Variants in MAGI1 observed in about 807,000 individuals in gnomAD.
MAGI1 encodes the protein membrane-associated guanylate kinase, WW and PDZ domain-containing protein 1.
Under a neutral mutation model 139.9 loss-of-function variants are expected in MAGI1, and 58 were observed. The observed-to-expected ratio is 0.41, with a 90% CI of 0.34 to 0.52. The LOEUF is 0.52. Ranked by LOEUF, MAGI1 falls within the 20% of genes least tolerant of loss-of-function variation. The probability of loss-of-function intolerance (pLI) is 0.12; values close to 1 mark genes in which losing one functional copy is unlikely to be tolerated. For missense variants in MAGI1, 1,874 were observed against 1,901.6 expected (o/e 0.99, Z 0.27); for synonymous variants, 812 against 737.9 (o/e 1.10, Z -1.63).
At chr3:65,484,253 G>C (rs567055689) in intron 3 of MAGI1, among the ~76,000 whole-genome samples, 1 of 152,268 alleles carries the variant, frequency 6.6e-6, no homozygotes, top group East Asian at 1.9e-4. Flanking sequence ...CAAACATAAA[G>C]GCCCAAAGTG....
chr3:65,933,445 T>C (rs2062896620), intron 1 of MAGI1, among the ~76,000 whole-genome samples: 1 of 152,200 alleles, frequency 6.6e-6, no homozygotes, highest in Admixed American at 6.5e-5. Flanking sequence ...GTTGCTTGTC[T>C]GTCCTCATAC....
At chr3:65,990,390 A>G (rs1459360745) in intron 1 of MAGI1, among the ~76,000 whole-genome samples, 1 of 152,224 alleles carries the variant, frequency 6.6e-6, no homozygotes, top group African/African-American at 2.4e-5. Flanking sequence ...AAGATTTACA[A>G]GTCTCTTAGG....
chr3:65,809,853 T>C (rs2041108571), intron 1 of MAGI1, among the ~76,000 whole-genome samples: 1 of 152,172 alleles, frequency 6.6e-6, no homozygotes, highest in African/African-American at 2.4e-5. Flanking sequence ...GCTCACAATC[T>C]GTCTTCAAAA....
At chr3:65,800,709 C>A (rs1284368462) in intron 1 of MAGI1, among the ~76,000 whole-genome samples, 3 of 151,876 alleles carry the variant, frequency 2.0e-5, no homozygotes, top group Admixed American at 1.3e-4. Flanking sequence ...AAAACTAAAA[C>A]TAAAAATAAA....
rs541280146 is a variant in MAGI1 at position 65,952,117 on chromosome 3, T to C, written c.313+85879A>G. Among the ~76,000 whole-genome samples, 161 of 152,244 alleles carry C rather than the reference T, an allele frequency of 1.1e-3. 1 individual carries two copies. The highest frequency in any genetic ancestry group is 3.5e-3 in the African/African-American group (147 of 41,500). ...AGTTAGGGGTTAGTGAAAGTGTAGA[T>C]AGATAACTCTTAGCCCACCCAAATT... On this transcript the variant is annotated intron_variant, in intron 1 of 22. Transcript: ENST00000402939.
rs185202277 is a variant in MAGI1 at position 65,676,330 on chromosome 3, G to A, written c.314-54242C>T. On this transcript the variant is annotated intron_variant, in intron 1 of 22. Transcript: ENST00000402939. ...AAAAAGCCATGACATGTACACACACGTGTCTCTATTTAAACAGCATGAAAA... is the reference window on the plus strand; with the variant it reads ...AAAAAGCCATGACATGTACACACACATGTCTCTATTTAAACAGCATGAAAA... Among the ~76,000 whole-genome samples, 574 of 152,258 alleles carry A rather than the reference G, an allele frequency of 3.8e-3. 1 individual carries two copies. The highest frequency in any genetic ancestry group is 6.8e-3 in the Non-Finnish European group (462 of 68,028).
chr3:65,671,881 T>C (rs991320814), intron 1 of MAGI1, among the ~76,000 whole-genome samples: 10 of 152,006 alleles, frequency 6.6e-5, no homozygotes, highest in Admixed American at 6.6e-4. Context: ...ACTCCAATCC[T>C]CATAAGGAAA....
intron 1 of MAGI1, among the ~76,000 whole-genome samples, chr3:66,007,763 A>G (rs2067103510): frequency 6.6e-6 from 1 of 151,716 alleles, no homozygotes. Flanking sequence ...GCCCTAGTAC[A>G]GCAATAACCA....
At chr3:65,871,770 T>G (rs138100650) in intron 1 of MAGI1, among the ~76,000 whole-genome samples, 314 of 152,366 alleles carry the variant, frequency 2.1e-3, no homozygotes, top group African/African-American at 7.2e-3. Flanking sequence ...ACTCAAAACC[T>G]TGCCCTTCAG....
At chr3:65,795,755 G>C (rs79398860) in intron 1 of MAGI1, among the ~76,000 whole-genome samples, 5,656 of 132,060 alleles carry the variant, frequency 0.043, 124 homozygotes, top group Middle Eastern at 0.045. Flanking sequence ...AGAGATTTAA[G>C]AAATTGGTCA....
intron 7 of MAGI1, among the ~76,000 whole-genome samples, chr3:65,444,225 G>C (rs936901357): frequency 2.6e-5 from 4 of 152,308 alleles, no homozygotes; most frequent in African/African-American, 9.6e-5. Flanking sequence ...CCAATTTGCA[G>C]ATGTTGATAC....
chr3:65,388,834 A>ATTTTTTT (rs35579495), intron 14 of MAGI1, among the ~76,000 whole-genome samples: 4 of 91,910 alleles, frequency 4.4e-5, no homozygotes, highest in Non-Finnish European at 7.3e-5. Context: ...ACCATTCCGA[A>ATTTTTTT]TTTTTTTTTT....
intron 1 of MAGI1, among the ~76,000 whole-genome samples, chr3:65,890,313 A>C (rs549789339): frequency 6.6e-6 from 1 of 152,270 alleles, no homozygotes; most frequent in East Asian, 1.9e-4. Flanking sequence ...TGCAGTGAGC[A>C]GAGATAGCGC....
chr3:65,609,779 G>A (rs1295824294), intron 2 of MAGI1: 2 of 347,168 alleles, frequency 5.8e-6, no homozygotes, highest in Non-Finnish European at 1.2e-5. Context: ...GTCTCCCAAT[G>A]TTGCCCAGGC....
intron 1 of MAGI1, among the ~76,000 whole-genome samples, chr3:65,809,971 T>C (rs2041116735): frequency 5.3e-5 from 8 of 150,942 alleles, no homozygotes; most frequent in African/African-American, 2.5e-5. Context: ...ACCTCACATA[T>C]ATCCTCTCTC....
intron 1 of MAGI1, among the ~76,000 whole-genome samples, chr3:65,836,126 G>C (rs1399588211): frequency 6.6e-6 from 1 of 152,126 alleles, no homozygotes; most frequent in Non-Finnish European, 1.5e-5. Context: ...GCATTGAGCA[G>C]GTTGTCAGAC....
intron 1 of MAGI1, among the ~76,000 whole-genome samples, chr3:65,954,078 C>G (rs1413327441): frequency 6.6e-6 from 1 of 152,020 alleles, no homozygotes; most frequent in Non-Finnish European, 1.5e-5. Context: ...TACCCCAACC[C>G]CCCATACTCC....
At chr3:66,026,322 A>G (rs2068258297) in intron 1 of MAGI1, among the ~76,000 whole-genome samples, 1 of 152,160 alleles carries the variant, frequency 6.6e-6, no homozygotes, top group African/African-American at 2.4e-5. Flanking sequence ...ATTTTTCTCT[A>G]TAGTTCAAAA....
chr3:65,524,010 A>C (rs2078275930), intron 2 of MAGI1, among the ~76,000 whole-genome samples: 1 of 152,190 alleles, frequency 6.6e-6, no homozygotes, highest in Admixed American at 6.5e-5. Flanking sequence ...ATGCTCAATG[A>C]AACTTTGAAA....
Sources: gnomAD v4.1 joint callset for allele counts (sites outside exome capture counted in the v4.1 genomes callset) on GRCh38, gnomAD v4.1.1 for gene constraint, MANE v1.5 for transcripts, NCBI Gene and HGNC (gene_info 2026-07-23, HGNC 2026-07-21) for gene names.